The following ZNF281 variants were observed in gnomAD, a reference collection of about 807,000 sequenced individuals.
The protein encoded by ZNF281 is zinc finger protein 281.
A neutral mutation model predicts 58.8 loss-of-function variants in ZNF281; 2 were observed. The observed-to-expected ratio is 0.03, with a 90% CI of 0.01 to 0.11. ZNF281 has a LOEUF of 0.11. ZNF281 is among the 10% of genes least tolerant of loss of function. ZNF281 has a pLI of 1.00. For synonymous variants in ZNF281, 465 were observed against 407.7 expected (o/e 1.14, Z -1.69); for missense variants, 975 against 1,090.7 (o/e 0.89, Z 1.49).
Position 200,407,120 on chromosome 1 carries a change from C to T in ZNF281, c.2586G>A (p.Arg862=), listed in dbSNP as rs780057089. 6 of 1,614,018 alleles carry T rather than the reference C, an allele frequency of 3.7e-6. No homozygotes were observed. In the Admixed American group the frequency reaches 6.7e-5, roughly 18 times the overall value. The change falls in exon 2 of 2, where the codon AGG becomes AGA. Residue 862 remains arginine, a synonymous_variant. Transcript: ENST00000367353. ...NSNGEVDHRV[R]TSVSDFSGYT... is the part of the protein sequence containing the mutation. ...ACCCTGAGAAATCTGACACTGAAGT[C>T]CTTACTCTATGGTCCACTTCTCCAT...
rs1387833308 is a variant in ZNF281 at position 200,408,884 on chromosome 1, A to G, written c.822T>C (p.Tyr274=). ...DHCSAAFRSS[Y]HLRRHVLIHT... ...GAATGAGGACATGTCTCCGCAGGTGATAGGAGCTTCGGAAAGCAGCACTAC... is the reference window on the plus strand; with the variant it reads ...GAATGAGGACATGTCTCCGCAGGTGGTAGGAGCTTCGGAAAGCAGCACTAC... Residue 274 remains tyrosine (Y), a synonymous_variant, in exon 2 of 2, where the codon TAT becomes TAC. Transcript: ENST00000367353. 6.2e-7 allele frequency: 1 copy of G among 1,614,106 alleles called. No homozygotes were observed. Among genetic ancestry groups the G allele is most frequent in the Non-Finnish European group, 8.5e-7 (1 of 1,180,042 alleles).
chr1:200,409,664 G>GT lies in ZNF281; in HGVS notation c.41_42insA (p.Gly15ArgfsTer3). 1 of 1,562,286 alleles carries GT rather than the reference G, an allele frequency of 6.4e-7. No individual in the cohort carries two copies. Among genetic ancestry groups the GT allele is most frequent in the Non-Finnish European group, 8.7e-7 (1 of 1,156,002 alleles). On this transcript the variant is annotated frameshift_variant, in exon 2 of 2. Coordinates refer to ENST00000367353, the MANE Select transcript of ZNF281 (RefSeq NM_001281293.2). LOFTEE classifies it high-confidence loss of function. Reference sequence around the variant, plus strand: ...CGGAGCCGCTACCACCGCTACTGCCGGTACCTCCGCCGCCACTCAGGAACC... The same window carrying GT: ...CGGAGCCGCTACCACCGCTACTGCCGTGTACCTCCGCCGCCACTCAGGAACC...
Position 200,407,149 on chromosome 1 carries a change from A to C in ZNF281, c.2557T>G (p.Ser853Ala), listed in dbSNP as rs1654473317. 1 of 1,614,016 alleles carries C rather than the reference A, an allele frequency of 6.2e-7. No homozygotes were observed. Among genetic ancestry groups the C allele is most frequent in the Admixed American group, 1.7e-5 (1 of 60,004 alleles). The change falls in exon 2 of 2, where the codon TCT (serine) becomes GCT (alanine). Residue 853 changes from serine (S) to alanine (A), a missense_variant. Around this residue, in one of 3 missense-constraint regions of ZNF281, gnomAD observed 579 missense variants for 608.9 expected, o/e 0.95. Transcript: ENST00000367353. Reference sequence around the variant, plus strand: ...ACTCTATGGTCCACTTCTCCATTAGAGTTAGTGATAAAGGTCATTGGCACC... The same window carrying C: ...ACTCTATGGTCCACTTCTCCATTAGCGTTAGTGATAAAGGTCATTGGCACC... ...SRVPMTFITN[S>A]NGEVDHRVRT...
rs769339814 is a variant in ZNF281 at position 200,407,184 on chromosome 1, G to A, written c.2522C>T (p.Ser841Leu). Residue 841 changes from serine (S) to leucine (L), a missense_variant, in exon 2 of 2, where the codon TCG (serine) becomes TTG (leucine). Ser to Leu is a moderately radical substitution (Grantham distance 145). Coordinates refer to ENST00000367353, the MANE Select transcript of ZNF281 (RefSeq NM_001281293.2). Reference protein sequence around the residue: ...FAQAFGSQFKSGSRVPMTFIT... With the variant: ...FAQAFGSQFKLGSRVPMTFIT... ...AAAGGTCATTGGCACCCTGCTGCCC[G>A]ACTTAAACTGAGAACCAAACGCTTG... The A allele has an allele frequency of 5.5e-5, 88 of 1,614,072 alleles. No individual in the cohort carries two copies. Among genetic ancestry groups the A allele is most frequent in the Non-Finnish European group, 6.1e-5 (72 of 1,180,040 alleles).
In ZNF281 at chr1:200,408,127, T is replaced by G; in HGVS notation, c.1579A>C (p.Ile527Leu). Residue 527 changes from isoleucine (I) to leucine (L), a missense_variant, in exon 2 of 2, where the codon ATA becomes CTA. By Grantham distance (5) the Ile-to-Leu change is conservative (BLOSUM62 2). Around this residue, in one of 3 missense-constraint regions of ZNF281, gnomAD observed 579 missense variants for 608.9 expected, o/e 0.95. Coordinates refer to ENST00000367353, the MANE Select transcript of ZNF281 (RefSeq NM_001281293.2). ...LQSTSGKQGQ[I>L]SSNYDDAMQF... The stretch of plus-strand genomic sequence containing the variant: ...ATGGCATCATCATAATTACTACTTA[T>G]CTGACCTTGTTTGCCACTTGTACTT... The G allele has an allele frequency of 6.2e-7, 1 of 1,614,178 alleles. No individual in the cohort carries two copies. The highest frequency in any genetic ancestry group is 1.6e-4 in the Middle Eastern group (1 of 6,062).
rs1323752678 is a variant in ZNF281, at chr1:200,407,261, A to C, written c.2445T>G (p.Asp815Glu). ...IPSQELASQI[D>E]PQKDIEPRTT... ...TTCTAGGCTCTATGTCTTTCTGAGG[A>C]TCTATCTGGCTAGCTAACTCCTGAG... is the stretch of plus-strand genomic sequence containing the variant. Residue 815 changes from aspartate (D) to glutamate (E), a missense_variant, in exon 2 of 2, where the codon GAT becomes GAG. Transcript: ENST00000367353. 2 of 1,614,208 alleles carry C rather than the reference A, an allele frequency of 1.2e-6. No homozygotes were observed. Among genetic ancestry groups the C allele is most frequent in the Non-Finnish European group, 8.5e-7 (1 of 1,180,034 alleles).
In ZNF281 at chr1:200,407,572, T is replaced by C; in HGVS notation, c.2134A>G (p.Thr712Ala). ...AAACCACACTCCAAAGGAGACGTAG[T>C]GTATATTTGTTTTTCTGGAAACAAA... ...HTLFPEKQIY[T>A]TSPLECGFGQ... The change falls in exon 2 of 2, where the codon ACT (threonine) becomes GCT (alanine). Residue 712 changes from threonine (T) to alanine (A), a missense_variant. This residue lies in a region of ZNF281 where 579 missense variants were observed against 608.9 expected (regional missense o/e 0.95). Transcript: ENST00000367353. 1 of 1,614,164 alleles carries C rather than the reference T, an allele frequency of 6.2e-7. No homozygotes were observed. The highest frequency in any genetic ancestry group is 8.5e-7 in the Non-Finnish European group (1 of 1,180,016).
chr1:200,407,943 G>T lies in ZNF281; in HGVS notation c.1763C>A (p.Ala588Asp). The T allele has an allele frequency of 6.2e-7, 1 of 1,614,176 alleles. No homozygotes were observed. Among genetic ancestry groups the T allele is most frequent in the Non-Finnish European group, 8.5e-7 (1 of 1,180,028 alleles). The change falls in exon 2 of 2, where the codon GCT becomes GAT. Residue 588 changes from alanine (A) to aspartate (D), a missense_variant. By Grantham distance (126) the Ala-to-Asp change is moderately radical (BLOSUM62 -2). Transcript: ENST00000367353. The part of the protein sequence containing the change: ...EAPLSLIDSS[A>D]LNAEIKSCHD... ...ACAAGATTTAATTTCAGCATTTAGA[G>T]CTGAGGAGTCAATAAGTGACAATGG...
At chr1:200,409,793 C>G (rs970989381) in intron 1 of ZNF281, 70 bp from the exon 2 acceptor site, 2 of 1,493,606 alleles carry the variant, frequency 1.3e-6, no homozygotes, top group Non-Finnish European at 1.8e-6. Context: ...CCGGGACCAC[C>G]GCAGCGCTAA....
At position 200,407,325 on chromosome 1, in the gene ZNF281, T is replaced by A. The variant is rs762285676; in HGVS notation, c.2381A>T (p.Gln794Leu). The part of the protein sequence containing the change: ...SSQKLTSQKE[Q>L]KNLESSTGFQ... ...GCCTGTTGAAGACTCTAAGTTTTTCTGTTCCTTCTGGCTAGTCAATTTCTG... is the reference window on the plus strand; with the variant it reads ...GCCTGTTGAAGACTCTAAGTTTTTCAGTTCCTTCTGGCTAGTCAATTTCTG... Residue 794 changes from glutamine to leucine, a missense_variant, in exon 2 of 2, where the codon CAG becomes CTG. This residue lies in a region of ZNF281 where 579 missense variants were observed against 608.9 expected (regional missense o/e 0.95). Coordinates refer to ENST00000367353, the MANE Select transcript of ZNF281 (RefSeq NM_001281293.2). The A allele has an allele frequency of 6.2e-7, 1 of 1,614,174 alleles. No individual in the cohort carries two copies. The highest frequency in any genetic ancestry group is 8.5e-7 in the Non-Finnish European group (1 of 1,180,048).
At position 200,408,377 on chromosome 1, in the gene ZNF281, G is replaced by T; in HGVS notation, c.1329C>A (p.Thr443=). Residue 443 remains threonine, a synonymous_variant, in exon 2 of 2, where the codon ACC becomes ACA. Coordinates refer to ENST00000367353, the MANE Select transcript of ZNF281 (RefSeq NM_001281293.2). The part of the protein sequence containing the change: ...NMQSYSVEMP[T]VSSSGGIIGT... ...CAATTATGCCTCCACTGGAAGACAC[G>T]GTAGGCATTTCTACTGAGTAACTCT... 6.2e-7 allele frequency: 1 copy of T among 1,614,038 alleles called. No individual in the cohort carries two copies. Among genetic ancestry groups the T allele is most frequent in the South Asian group, 1.1e-5 (1 of 91,078 alleles).
Position 200,408,836 on chromosome 1 carries a change from C to A in ZNF281, c.870G>T (p.Gln290His). The A allele has an allele frequency of 6.2e-7, 1 of 1,614,234 alleles. No individual in the cohort carries two copies. Among genetic ancestry groups the A allele is most frequent in the Non-Finnish European group, 8.5e-7 (1 of 1,180,050 alleles). ...TGAAACCCATACTACACTGGCTGCACTGGAAAGGTCTTTCTCCTGTATGAA... is the reference window on the plus strand; with the variant it reads ...TGAAACCCATACTACACTGGCTGCAATGGAAAGGTCTTTCTCCTGTATGAA... ...VLIHTGERPF[Q>H]CSQCSMGFIQ... Residue 290 changes from glutamine (Q) to histidine (H), a missense_variant, in exon 2 of 2, where the codon CAG (glutamine) becomes CAT (histidine). By Grantham distance (24) the Gln-to-His change is conservative. Coordinates refer to ENST00000367353, the MANE Select transcript of ZNF281 (RefSeq NM_001281293.2).
Position 200,407,557 on chromosome 1 carries a change from C to T in ZNF281, c.2149G>A (p.Glu717Lys). The T allele has an allele frequency of 6.2e-7, 1 of 1,614,140 alleles. No homozygotes were observed. ...EKQIYTTSPLECGFGQSVTSV... is the reference protein window; with the variant it reads ...EKQIYTTSPLKCGFGQSVTSV... ...GTAACAGATTGGCCGAAACCACACT[C>T]CAAAGGAGACGTAGTGTATATTTGT... The change falls in exon 2 of 2, where the codon GAG becomes AAG. Residue 717 changes from glutamate to lysine, a missense_variant. By Grantham distance (56) the Glu-to-Lys change is moderately conservative. Transcript: ENST00000367353.
At position 200,406,707 on chromosome 1, in the gene ZNF281, GGTT is replaced by G. The variant is rs1654459914; in HGVS notation, c.*308_*310del. 5.4e-6 allele frequency: 1 copy of G among 185,740 alleles called. No homozygotes were observed. 11.5% of individuals were successfully genotyped at this position (185,740 alleles called of 1,614,324 possible). A position where few individuals can be genotyped will look rare whatever the true frequency, so the allele number is the denominator to read the frequency against. ...TTTTTTTTGTAGGTTTTTTTTTTTT[GGTT>G]TTTTTTTGTCTTTTTTTTTGCGTTT... is the stretch of plus-strand genomic sequence containing the variant. On this transcript the variant is annotated 3_prime_UTR_variant, in exon 2 of 2. Transcript: ENST00000367353.
rs201643480 is a variant in ZNF281 at position 200,408,653 on chromosome 1, T to C, written c.1053A>G (p.Gln351=). The C allele has an allele frequency of 8.7e-5, 141 of 1,614,234 alleles. No individual in the cohort carries two copies. In the East Asian group the frequency reaches 3.0e-3, roughly 34 times the overall value. ...GEKPYKCDTC[Q]QYFSRTDRLL... is the part of the protein sequence containing the mutation. ...ATCTATCAGTCCTTGAAAAATACTG[T>C]TGGCAAGTGTCACACTTATATGGCT... Residue 351 remains glutamine (Q), a synonymous_variant, in exon 2 of 2, where the codon CAA becomes CAG. Transcript: ENST00000367353.
Position 200,409,945 on chromosome 1 carries a change from C to T in ZNF281, c.-19+1G>A, listed in dbSNP as rs1654576433. On this transcript the variant is annotated splice_donor_variant, in intron 1 of 1. Coordinates refer to ENST00000367353, the MANE Select transcript of ZNF281 (RefSeq NM_001281293.2). LOFTEE classifies it low-confidence loss of function (5UTR_SPLICE). ...CTCCTGGACCCACCGGCAATACTTA[C>T]GGGTCCCGCCGCCGCCGCAGCCGCC... 3.3e-6 allele frequency: 2 copies of T among 609,154 alleles called. No homozygotes were observed. The highest frequency in any genetic ancestry group is 5.6e-6 in the Non-Finnish European group (2 of 355,968). 37.7% of individuals were successfully genotyped at this position (609,154 alleles called of 1,614,324 possible). A position where few individuals can be genotyped will look rare whatever the true frequency, so the allele number is the denominator to read the frequency against.
chr1:200,408,996 G>C lies in ZNF281; in HGVS notation c.710C>G (p.Pro237Arg). Residue 237 changes from proline to arginine, a missense_variant, in exon 2 of 2, where the codon CCA becomes CGA. Pro to Arg is a moderately radical substitution (Grantham distance 103). Around this residue, in one of 3 missense-constraint regions of ZNF281, gnomAD observed 370 missense variants for 360.9 expected, o/e 1.03. Transcript: ENST00000367353. ...ESQGIKAKRK[P>R]SASSKPSLVG... ...CAAAGAAGGTTTGGAAGATGCACTTGGCTTCCTCTTGGCTTTGATTCCCTG... is the reference window on the plus strand; with the variant it reads ...CAAAGAAGGTTTGGAAGATGCACTTCGCTTCCTCTTGGCTTTGATTCCCTG... The C allele has an allele frequency of 3.1e-6, 5 of 1,614,238 alleles. No homozygotes were observed. Among genetic ancestry groups the C allele is most frequent in the Non-Finnish European group, 4.2e-6 (5 of 1,180,046 alleles).
chr1:200,406,910 G>A lies in ZNF281; in HGVS notation c.*108C>T, dbSNP rs1459484768. 42 of 1,020,294 alleles carry A rather than the reference G, an allele frequency of 4.1e-5. No individual in the cohort carries two copies. Among genetic ancestry groups the A allele is most frequent in the African/African-American group, 6.4e-5 (4 of 62,054 alleles). 63.2% of individuals were successfully genotyped at this position (1,020,294 alleles called of 1,614,324 possible). A position where few individuals can be genotyped will look rare whatever the true frequency, so the allele number is the denominator to read the frequency against. ...AAATATGAAAAGTTGCATTGAAAGG[G>A]CATCACATTATTCTTAATAGGATCG... On this transcript the variant is annotated 3_prime_UTR_variant, in exon 2 of 2. Coordinates refer to ENST00000367353, the MANE Select transcript of ZNF281 (RefSeq NM_001281293.2).
At position 200,407,925 on chromosome 1, in the gene ZNF281, T is replaced by C. The variant is rs774526101; in HGVS notation, c.1781A>G (p.Lys594Arg). The change falls in exon 2 of 2, where the codon AAA (lysine) becomes AGA (arginine). Residue 594 changes from lysine to arginine, a missense_variant. Lys to Arg is a conservative substitution (Grantham distance 26). This residue lies in a region of ZNF281 where 579 missense variants were observed against 608.9 expected (regional missense o/e 0.95). Transcript: ENST00000367353. ...IDSSALNAEI[K>R]SCHDKSGIPD... ...AATTCCAGACTTGTCATGACAAGAT[T>C]TAATTTCAGCATTTAGAGCTGAGGA... 2.5e-5 allele frequency: 41 copies of C among 1,614,060 alleles called. No homozygotes were observed. The highest frequency in any genetic ancestry group is 3.1e-5 in the Non-Finnish European group (37 of 1,180,040).
Sources: gnomAD v4.1 joint callset for allele counts on GRCh38, gnomAD v4.1.1 for gene constraint, gnomAD v4.1.1 regional missense constraint, MANE v1.5 for transcripts, NCBI Gene and HGNC (gene_info 2026-07-23, HGNC 2026-07-21) for gene names.